Variants in MACF1 observed in about 807,000 individuals in gnomAD.
MACF1 encodes microtubule actin crosslinking factor 1, also known as microtubule-actin cross-linking factor 1.
In MACF1, 193 loss-of-function variants were observed where a neutral mutation model predicts 854.8. That is an observed-to-expected ratio of 0.23 (90% CI 0.20 to 0.25). The LOEUF (loss-of-function observed/expected upper bound fraction) is 0.25, where lower values mean the gene tolerates loss of function less well. MACF1 is among the 10% of genes least tolerant of loss of function. The pLI, the probability that MACF1 is intolerant of heterozygous loss-of-function variation, is 1.00. For synonymous variants in MACF1, 3,185 were observed against 3,226.7 expected, an observed-to-expected ratio of 0.99 and a Z score of 0.44; for missense variants, 7,722 against 8,929.1, an observed-to-expected ratio of 0.86 and a Z score of 5.45.
chr1:39,254,452 C>T, intron 5 of MACF1, 77 bp downstream of exon 5: 2 of 1,280,302 alleles, frequency 1.6e-6, no homozygotes, highest in Non-Finnish European at 2.3e-6. Flanking sequence ...GTTTTTAGTG[C>T]CCCTAGTAAG....
intron 2 of MACF1, chr1:39,103,085 A>T (rs1283119943): frequency 6.3e-6 from 4 of 636,494 alleles, no homozygotes; most frequent in African/African-American, 1.8e-5. Flanking sequence ...TTTGAGTCTT[A>T]GAGAAGCTCT....
chr1:39,086,447 G>GT (rs1641676483), intron 2 of MACF1, among the ~76,000 whole-genome samples: 1 of 152,186 alleles, frequency 6.6e-6, no homozygotes, highest in Admixed American at 6.5e-5. Context: ...GCATCAGCCA[G>GT]TAACAGAATT....
intron 58 of MACF1, chr1:39,411,101 G>A: frequency 6.2e-7 from 1 of 1,613,524 alleles, no homozygotes; most frequent in Non-Finnish European, 8.5e-7. Context: ...CACCCCCTTG[G>A]GGACACAGCC....
chr1:39,174,368 G>C (rs954534552), intron 2 of MACF1, among the ~76,000 whole-genome samples: 5 of 152,170 alleles, frequency 3.3e-5, no homozygotes, highest in Admixed American at 2.0e-4. Context: ...CTGGCACATA[G>C]TAAGAGCTTA....
chr1:39,285,315 G>A lies in MACF1; in HGVS notation c.1278G>A (p.Gln426=). ...ATTTCAGGCTGGAATTGCTGCTACAGATTGCAAACAAAATCCAGAATGGTG... is the reference window on the plus strand; with the variant it reads ...ATTTCAGGCTGGAATTGCTGCTACAAATTGCAAACAAAATCCAGAATGGTG... The part of the protein sequence containing the change: ...PAVERLELLL[Q]IANKIQNGAL... Residue 426 remains glutamine, a synonymous_variant, in exon 13 of 101, where the codon CAG becomes CAA. Coordinates refer to ENST00000564288, the MANE Select transcript of MACF1 (RefSeq NM_001394062.1). 6.2e-7 allele frequency: 1 copy of A among 1,614,178 alleles called. No individual in the cohort carries two copies. The highest frequency in any genetic ancestry group is 8.5e-7 in the Non-Finnish European group (1 of 1,180,032).
chr1:39,300,743 A>G (rs966928478), intron 22 of MACF1, among the ~76,000 whole-genome samples: 2 of 152,142 alleles, frequency 1.3e-5, no homozygotes, highest in African/African-American at 4.8e-5. Flanking sequence ...CCCTGCTAAT[A>G]TTACCCTAAG....
At chr1:39,411,063 A>G (rs557623282) in intron 58 of MACF1, 6 of 1,613,642 alleles carry the variant, frequency 3.7e-6, no homozygotes, top group Non-Finnish European at 5.1e-6. Context: ...CAAAAAGTTT[A>G]GCTAAGGGAG....
At chr1:39,208,557 G>A (rs1423518767) in intron 1 of MACF1, among the ~76,000 whole-genome samples, 6 of 152,058 alleles carry the variant, frequency 3.9e-5, no homozygotes, top group East Asian at 1.9e-4. Flanking sequence ...GGGTTCAAGC[G>A]ATTCTCATGA....
Position 39,409,934 on chromosome 1 carries a change from G to A in MACF1, c.15817-12440G>A, listed in dbSNP as rs977616826. ...GTGAGTGGAACTAGATATCGAAAAA[G>A]ACTCGTCAATATCAGATGATTTTTG... is the stretch of plus-strand genomic sequence containing the variant. On this transcript the variant is annotated intron_variant, in intron 58 of 100. Transcript: ENST00000564288. This position sits in a 1 kb window ranked among gnomAD's most constrained non-coding sequence, Gnocchi z 4.2. 1 of 226,824 alleles carries A rather than the reference G, an allele frequency of 4.4e-6. No individual in the cohort carries two copies. Among genetic ancestry groups the A allele is most frequent in the Non-Finnish European group, 8.5e-6 (1 of 117,258 alleles). 14.1% of individuals were successfully genotyped at this position (226,824 alleles called of 1,614,324 possible).
At chr1:39,156,175 T>C (rs1206077214) in intron 2 of MACF1, among the ~76,000 whole-genome samples, 1 of 152,126 alleles carries the variant, frequency 6.6e-6, no homozygotes, top group Non-Finnish European at 1.5e-5. Context: ...GTGCCTGGCC[T>C]ATTTTGTATT....
chr1:39,414,255 G>A (rs767742136), intron 58 of MACF1: 2 of 1,614,034 alleles, frequency 1.2e-6, no homozygotes, highest in Non-Finnish European at 1.7e-6. Context: ...CTCCTATGGA[G>A]GAAGTTTCCC....
intron 22 of MACF1, 100 bp from the exon 23 acceptor site, chr1:39,302,824 A>T (rs749802333): frequency 1.5e-4 from 179 of 1,196,352 alleles, no homozygotes; most frequent in Non-Finnish European, 1.9e-4. Context: ...TCTTAAGCAG[A>T]TTTTTTTCTT....
intron 33 of MACF1, among the ~76,000 whole-genome samples, 185 bp downstream of exon 33, chr1:39,323,193 T>C (rs974252136): frequency 4.6e-5 from 7 of 151,992 alleles, no homozygotes; most frequent in Admixed American, 6.6e-5. Flanking sequence ...TATTTAAAAA[T>C]TAGCTGGGCA....
chr1:39,422,943 G>A (rs1643593723), intron 60 of MACF1, 43 bp downstream of exon 60: 2 of 1,571,722 alleles, frequency 1.3e-6, no homozygotes, highest in Non-Finnish European at 1.7e-6. Flanking sequence ...CAGCCGTAGG[G>A]AGTAGTAGAC....
At chr1:39,222,929 C>T (rs1226243772) in intron 1 of MACF1, among the ~76,000 whole-genome samples, 1 of 152,124 alleles carries the variant, frequency 6.6e-6, no homozygotes, top group East Asian at 1.9e-4. Flanking sequence ...TATGTTGGAT[C>T]AGAACATAGA....
chr1:39,340,841 G>T lies in MACF1; in HGVS notation c.10469G>T (p.Arg3490Leu). ...VLNQHTQLEGRLQDLRAWVGN... is the reference protein window; with the variant it reads ...VLNQHTQLEGLLQDLRAWVGN... Reference sequence around the variant, plus strand: ...AATCAGCACACACAGCTAGAAGGCCGACTTCAAGATCTGAGAGCCTGGGTT... The same window carrying T: ...AATCAGCACACACAGCTAGAAGGCCTACTTCAAGATCTGAGAGCCTGGGTT... The change falls in exon 40 of 101, where the codon CGA (arginine) becomes CTA (leucine). Residue 3490 changes from arginine (R) to leucine (L), a missense_variant. Transcript: ENST00000564288. 6.2e-7 allele frequency: 1 copy of T among 1,613,700 alleles called. No homozygotes were observed. The highest frequency in any genetic ancestry group is 1.1e-5 in the South Asian group (1 of 90,914).
chr1:39,468,856 T>G (rs781030682), intron 96 of MACF1, 124 bp downstream of exon 96: 24 of 841,768 alleles, frequency 2.9e-5, no homozygotes, highest in Non-Finnish European at 4.3e-5. Flanking sequence ...TGCCCAGGTG[T>G]CATCCCACTA....
At chr1:39,099,806 G>A (rs1642022328) in intron 2 of MACF1, among the ~76,000 whole-genome samples, 1 of 152,208 alleles carries the variant, frequency 6.6e-6, no homozygotes, top group African/African-American at 2.4e-5. Context: ...TGAAATAGAT[G>A]TCTTTGCCCT....
Position 39,358,862 on chromosome 1 carries a change from G to T in MACF1, c.12109G>T (p.Ala4037Ser). ...SDPGVLQEQL[A>S]TTKQLQEELA... ...CCCTGGAGTTCTCCAGGAGCAGCTT[G>T]CAACAACAAAGGTAAGTCAGGACAC... Residue 4037 changes from alanine (A) to serine (S), a missense_variant, in exon 46 of 101, where the codon GCA becomes TCA. By Grantham distance (99) the Ala-to-Ser change is moderately conservative. This residue lies in a region of MACF1 where 2,807 missense variants were observed against 3,235.8 expected (regional missense o/e 0.87). Coordinates refer to ENST00000564288, the MANE Select transcript of MACF1 (RefSeq NM_001394062.1). 1 of 1,608,352 alleles carries T rather than the reference G, an allele frequency of 6.2e-7. No homozygotes were observed. The highest frequency in any genetic ancestry group is 8.5e-7 in the Non-Finnish European group (1 of 1,178,406).
Sources: allele counts gnomAD v4.1 joint callset (sites outside exome capture counted in the v4.1 genomes callset), GRCh38; gene constraint gnomAD v4.1.1; regional missense constraint gnomAD v4.1.1; non-coding constraint Gnocchi (gnomAD v3.1); transcripts MANE v1.5; gene names NCBI Gene and HGNC (gene_info 2026-07-23, HGNC 2026-07-21).